Variants in POC1B observed in about 807,000 individuals in gnomAD.
The protein encoded by POC1B is POC1 centriolar protein homolog B.
POC1B carries 44 observed loss-of-function variants against 60.6 expected under a neutral mutation model. The observed-to-expected ratio is 0.73, with a 90% CI of 0.57 to 0.93. The LOEUF (loss-of-function observed/expected upper bound fraction) is 0.93. Among genes scored for constraint, POC1B ranks in the 40% least tolerant of loss-of-function variants. The pLI is 0.00. For synonymous variants in POC1B, 180 were observed against 198.9 expected, an observed-to-expected ratio of 0.90 and a Z score of 0.80; for missense variants, 555 against 572.3, an observed-to-expected ratio of 0.97 and a Z score of 0.31.
At chr12:89,417,916 G>T (rs1420566751), downstream of POC1B, among the ~76,000 whole-genome samples, 1 of 152,108 alleles carries the variant, frequency 6.6e-6, no homozygotes, top group Non-Finnish European at 1.5e-5. Context: ...CTTCAGGGGT[G>T]GAGGAAAAAA....
intron 10 of POC1B, among the ~76,000 whole-genome samples, chr12:89,437,775 C>G (rs1592585337): frequency 6.6e-6 from 1 of 152,290 alleles, no homozygotes; most frequent in South Asian, 2.1e-4. Flanking sequence ...TGGCCAGGTG[C>G]AGTGGCTCAC....
chr12:89,515,446 T>C (rs1870398707), intron 2 of POC1B, among the ~76,000 whole-genome samples: 1 of 152,132 alleles, frequency 6.6e-6, no homozygotes, highest in African/African-American at 2.4e-5. Context: ...TATATCATTT[T>C]AAATTGTGCT....
the POC1B span, among the ~76,000 whole-genome samples, chr12:89,406,450 G>A: frequency 6.6e-6 from 1 of 151,950 alleles, no homozygotes; most frequent in Non-Finnish European, 1.5e-5. Flanking sequence ...AAGGCTCTAT[G>A]GTTTTGGAAA....
intron 10 of POC1B, among the ~76,000 whole-genome samples, chr12:89,443,307 T>A (rs968302489): frequency 5.9e-5 from 9 of 152,228 alleles, no homozygotes; most frequent in South Asian, 2.1e-4. Flanking sequence ...TACATTTTTC[T>A]CAGCACCACA....
chr12:89,521,608 C>T (rs544532033), intron 2 of POC1B: 1 of 166,440 alleles, frequency 6.0e-6, no homozygotes, highest in Non-Finnish European at 1.3e-5. Context: ...TCCAATCCAG[C>T]ACCCACATTT....
intron 2 of POC1B, among the ~76,000 whole-genome samples, chr12:89,512,699 GCAGTGTGCTGTAACTGCATCACTGTACTC>G (rs1870246136): frequency 6.6e-6 from 1 of 152,204 alleles, no homozygotes; most frequent in South Asian, 2.1e-4. Flanking sequence ...GGTCAAGGCT[GCAGTGTGCTGTAACTGCATCACTGTACTC>G]CAGACTAGGC....
chr12:89,488,208 T>A (rs1187968661), intron 4 of POC1B, among the ~76,000 whole-genome samples: 1 of 152,128 alleles, frequency 6.6e-6, no homozygotes. Flanking sequence ...CATAAAAAAT[T>A]TTCCCTTACA....
chr12:89,522,833 T>A (rs1429979980), intron 2 of POC1B: 2 of 1,585,804 alleles, frequency 1.3e-6, no homozygotes, highest in South Asian at 2.3e-5. Flanking sequence ...AAACTCCAAA[T>A]TTGATTTTTA....
In POC1B at chr12:89,525,853, A is replaced by ACC. The variant is rs67346689; in HGVS notation, c.15+26_15+27dup. 17 of 1,407,446 alleles carry ACC rather than the reference A, an allele frequency of 1.2e-5. No individual in the cohort carries two copies. In the African/African-American group the frequency reaches 1.7e-4, roughly 14 times the overall value. 87.2% of individuals were successfully genotyped at this position (1,407,446 alleles called of 1,614,324 possible). On this transcript the variant is annotated intron_variant, in intron 1 of 11. Coordinates refer to ENST00000313546, the MANE Select transcript of POC1B (RefSeq NM_172240.3). ...CCCGCGGGACAGGCTCCAGGGAGGG[A>ACC]CCCCCCCCACCTCCAACCCGTCCTT...
chr12:89,424,952 A>AGT (rs752659062), intron 11 of POC1B, among the ~76,000 whole-genome samples: 45 of 151,508 alleles, frequency 3.0e-4, no homozygotes, highest in Admixed American at 9.8e-4. Flanking sequence ...AAGCTGTGTG[A>AGT]GTGTGTGTGT....
At chr12:89,413,872 T>C in the POC1B span, among the ~76,000 whole-genome samples, 749 of 152,074 alleles carry the variant, frequency 4.9e-3, 12 homozygotes, top group African/African-American at 0.017. Flanking sequence ...AATTATTTAT[T>C]TGTTTATTTA....
rs192618359 is a variant in POC1B, at chr12:89,455,933, C to G, written c.1113+3705G>C. Among the ~76,000 whole-genome samples, 23 of 152,048 alleles carry G rather than the reference C, an allele frequency of 1.5e-4. No homozygotes were observed. In the East Asian group the frequency reaches 3.1e-3, roughly 20 times the overall value. On this transcript the variant is annotated intron_variant, in intron 10 of 11. Transcript: ENST00000313546. Reference sequence around the variant, plus strand: ...AATACATCAGAATTTAAGAATTTTCCTAAAGATAAAAAAAGTAATAACCCT... The same window carrying G: ...AATACATCAGAATTTAAGAATTTTCGTAAAGATAAAAAAAGTAATAACCCT...
chr12:89,522,258 A>T (rs1870951299), intron 2 of POC1B: 1 of 398,214 alleles, frequency 2.5e-6, no homozygotes, highest in Non-Finnish European at 4.4e-6. Flanking sequence ...TTCCAATTAC[A>T]CATATCTCTA....
At chr12:89,516,765 G>A (rs1193863538) in intron 2 of POC1B, among the ~76,000 whole-genome samples, 1 of 152,148 alleles carries the variant, frequency 6.6e-6, no homozygotes, top group African/African-American at 2.4e-5. Context: ...AAAGGCTCTA[G>A]GGGATATCTC....
chr12:89,466,969 A>G, intron 8 of POC1B, 47 bp from the exon 9 acceptor site: 1 of 1,552,354 alleles, frequency 6.4e-7, no homozygotes, highest in Non-Finnish European at 8.8e-7. Context: ...TTGCATGTAC[A>G]AGCAATAGAG....
intron 2 of POC1B, among the ~76,000 whole-genome samples, chr12:89,510,495 G>T (rs576244297): frequency 6.6e-6 from 1 of 152,314 alleles, no homozygotes; most frequent in South Asian, 2.1e-4. Context: ...CAGCCAGGCT[G>T]TTACTCTGAG....
chr12:89,503,960 C>T (rs540657725), intron 2 of POC1B, among the ~76,000 whole-genome samples: 2 of 148,532 alleles, frequency 1.3e-5, no homozygotes, highest in South Asian at 2.2e-4. Context: ...CGTCTCCGCC[C>T]GGCAGCCGCC....
intron 10 of POC1B, among the ~76,000 whole-genome samples, chr12:89,435,693 C>T (rs11105287): frequency 0.24 from 37,116 of 151,882 alleles, 4,852 homozygotes; most frequent in South Asian, 0.35. Context: ...GCTATGTTTA[C>T]ATAGAAAGAT....
chr12:89,518,541 C>A (rs1592645194), intron 2 of POC1B, among the ~76,000 whole-genome samples: 1 of 149,614 alleles, frequency 6.7e-6, no homozygotes, highest in Admixed American at 6.7e-5. Context: ...AATACCATAA[C>A]ATTTAGTCTT....
Sources: allele counts gnomAD v4.1 joint callset (sites outside exome capture counted in the v4.1 genomes callset), GRCh38; gene constraint gnomAD v4.1.1; transcripts MANE v1.5; gene names NCBI Gene and HGNC (gene_info 2026-07-23, HGNC 2026-07-21).